Variants in PRKG1 observed in about 807,000 individuals in gnomAD.
PRKG1 encodes the protein protein kinase cGMP-dependent 1.
PRKG1 carries 35 observed loss-of-function variants against 88.1 expected under a neutral mutation model. That is an observed-to-expected ratio of 0.40 (90% confidence interval 0.30 to 0.53). The LOEUF (loss-of-function observed/expected upper bound fraction) is 0.53, where lower values mean the gene tolerates loss of function less well. Among genes scored for constraint, PRKG1 ranks in the 20% least tolerant of loss-of-function variants. The pLI is 0.59. For synonymous variants in PRKG1, 303 were observed against 292.5 expected (o/e 1.04, Z -0.37); for missense variants, 540 against 839.8 (o/e 0.64, Z 4.41).
At chr10:51,514,680 G>C (rs1333540106) in intron 3 of PRKG1, among the ~76,000 whole-genome samples, 1 of 152,210 alleles carries the variant, frequency 6.6e-6, no homozygotes, top group Non-Finnish European at 1.5e-5. Context: ...AGTCAATAAG[G>C]AGAAGGGTGA....
chr10:50,994,743 G>A (rs1842818567), intron 1 of PRKG1, among the ~76,000 whole-genome samples: 1 of 150,950 alleles, frequency 6.6e-6, no homozygotes. Context: ...GCCTGAAAGT[G>A]CAGTCGGCCC....
chr10:51,645,733 C>A (rs1839900388), intron 3 of PRKG1, among the ~76,000 whole-genome samples: 2 of 151,942 alleles, frequency 1.3e-5, no homozygotes, highest in Admixed American at 1.3e-4. Context: ...TTCTGAGCAC[C>A]TGATAAAATA....
rs191351486 is a variant in PRKG1 at position 51,581,011 on chromosome 10, G to A, written c.592+113175G>A. ...AGATAGTGAAAGCTGGGTCCAGGGGGGGGTCACTGCCTTCTGGTCCCACGA... is the reference window on the plus strand; with the variant it reads ...AGATAGTGAAAGCTGGGTCCAGGGGAGGGTCACTGCCTTCTGGTCCCACGA... On this transcript the variant is annotated intron_variant, in intron 3 of 17. Coordinates refer to ENST00000373980, the MANE Select transcript of PRKG1 (RefSeq NM_006258.4). Among the ~76,000 whole-genome samples, 372 of 152,162 alleles carry A rather than the reference G, an allele frequency of 2.4e-3. 5 individuals are homozygous for A. The highest frequency in any genetic ancestry group is 3.4e-3 in the Non-Finnish European group (233 of 68,004).
intron 3 of PRKG1, among the ~76,000 whole-genome samples, chr10:51,730,503 TC>T (rs951205341): frequency 4.6e-5 from 7 of 152,120 alleles, no homozygotes; most frequent in Admixed American, 3.9e-4. Flanking sequence ...TTCTTTCTTT[TC>T]CCCCCTGGCT....
chr10:51,267,832 A>G (rs532387865), intron 2 of PRKG1, among the ~76,000 whole-genome samples: 15 of 152,320 alleles, frequency 9.8e-5, no homozygotes, highest in African/African-American at 2.6e-4. Flanking sequence ...TCTGCTCAGT[A>G]AAAGAAATAA....
At chr10:51,734,517 T>C (rs1031287221) in intron 3 of PRKG1, among the ~76,000 whole-genome samples, 2 of 152,184 alleles carry the variant, frequency 1.3e-5, no homozygotes, top group Non-Finnish European at 2.9e-5. Context: ...CACAATGAGA[T>C]CAGTGTAACG....
At chr10:52,124,297 A>G (rs1847883892) in intron 7 of PRKG1, among the ~76,000 whole-genome samples, 1 of 152,214 alleles carries the variant, frequency 6.6e-6, no homozygotes, top group Admixed American at 6.5e-5. Flanking sequence ...CTACATACCT[A>G]AGCTCCATGG....
At chr10:52,284,177 A>G (rs1266389751) in intron 14 of PRKG1, among the ~76,000 whole-genome samples, 1 of 152,076 alleles carries the variant, frequency 6.6e-6, no homozygotes, top group Non-Finnish European at 1.5e-5. Context: ...TTTAAAATAA[A>G]AAGTCTAAAT....
intron 3 of PRKG1, among the ~76,000 whole-genome samples, chr10:51,596,689 C>T (rs987436613): frequency 2.6e-4 from 39 of 152,180 alleles, no homozygotes; most frequent in African/African-American, 8.9e-4. Flanking sequence ...TTTGGAACAG[C>T]GTTATCTCTT....
At chr10:51,371,499 A>C (rs1842705738) in intron 2 of PRKG1, among the ~76,000 whole-genome samples, 1 of 152,102 alleles carries the variant, frequency 6.6e-6, no homozygotes, top group Non-Finnish European at 1.5e-5. Context: ...AACAAACAAA[A>C]AATATTTTTA....
intron 2 of PRKG1, among the ~76,000 whole-genome samples, chr10:51,406,445 C>T (rs1837918323): frequency 6.6e-6 from 1 of 152,056 alleles, no homozygotes; most frequent in African/African-American, 2.4e-5. Flanking sequence ...TTAATCTTGG[C>T]CCACTGGAGA....
chr10:52,184,900 A>C (rs1910548), intron 9 of PRKG1: 65,284 of 151,948 alleles, frequency 0.43, 14,518 homozygotes, highest in African/African-American at 0.55. Context: ...ATGCTCAACC[A>C]TTCATGAGGG....
intron 9 of PRKG1, among the ~76,000 whole-genome samples, chr10:52,166,801 A>ATATGTATATATATGTATATATATATG (rs1183876893): frequency 0.12 from 207 of 1,712 alleles, 7 homozygotes; most frequent in Middle Eastern, 0.5. Flanking sequence ...ATATATACAT[A>ATATGTATATATATGTATATATATATG]TATATATGTA....
intron 3 of PRKG1, among the ~76,000 whole-genome samples, chr10:51,526,508 G>T (rs1841887581): frequency 6.6e-6 from 1 of 152,140 alleles, no homozygotes; most frequent in Non-Finnish European, 1.5e-5. Flanking sequence ...AGTCTACCAA[G>T]ACTTTTGAGT....
chr10:51,810,826 C>A (rs552777092), intron 4 of PRKG1, among the ~76,000 whole-genome samples: 1 of 152,278 alleles, frequency 6.6e-6, no homozygotes, highest in South Asian at 2.1e-4. Context: ...ATGGGCCATA[C>A]TTCAACCAAA....
At chr10:51,933,160 G>T (rs1239165411) in intron 5 of PRKG1, among the ~76,000 whole-genome samples, 1 of 152,022 alleles carries the variant, frequency 6.6e-6, no homozygotes, top group African/African-American at 2.4e-5. Context: ...ATCTTACATT[G>T]CTCCAGAGGT....
At chr10:52,036,900 G>A (rs1307482451) in intron 5 of PRKG1, among the ~76,000 whole-genome samples, 2 of 152,224 alleles carry the variant, frequency 1.3e-5, no homozygotes, top group Admixed American at 1.3e-4. Context: ...TGAAAAGAAG[G>A]TAATGTGGAG....
intron 4 of PRKG1, among the ~76,000 whole-genome samples, chr10:51,845,398 G>T (rs1185418674): frequency 6.6e-6 from 1 of 152,098 alleles, no homozygotes; most frequent in Non-Finnish European, 1.5e-5. Context: ...GTGCTTCAAA[G>T]TGTTGACATT....
At chr10:51,518,283 C>T (rs995858272) in intron 3 of PRKG1, among the ~76,000 whole-genome samples, 11 of 152,306 alleles carry the variant, frequency 7.2e-5, no homozygotes, top group African/African-American at 2.4e-4. Flanking sequence ...CAGGTGTGAG[C>T]CACCATGCCC....
Sources: gnomAD v4.1 joint callset for allele counts (sites outside exome capture counted in the v4.1 genomes callset) on GRCh38, gnomAD v4.1.1 for gene constraint, MANE v1.5 for transcripts, NCBI Gene and HGNC (gene_info 2026-07-23, HGNC 2026-07-21) for gene names.